PERP: variants seen among roughly 807,000 people sequenced by gnomAD.
PERP encodes the protein p53 apoptosis effector related to PMP22.
PERP carries 11 observed loss-of-function variants against 20.3 expected under a neutral mutation model. The observed-to-expected ratio is 0.54, with a 90% CI of 0.34 to 0.90. The LOEUF (loss-of-function observed/expected upper bound fraction) is 0.90, where lower values mean the gene tolerates loss of function less well. Ranked by LOEUF, PERP falls within the 40% of genes least tolerant of loss-of-function variation. The pLI is 0.02. For missense variants in PERP, 224 were observed against 249.4 expected (o/e 0.90, Z 0.69); for synonymous variants, 101 against 102.0 (o/e 0.99, Z 0.06).
At chr6:138,098,139 A>G (rs1775724308) in intron 1 of PERP, among the ~76,000 whole-genome samples, 1 of 152,162 alleles carries the variant, frequency 6.6e-6, no homozygotes, top group Non-Finnish European at 1.5e-5. Context: ...CTATCCGTTC[A>G]TTTGCTCTTG....
At chr6:138,097,446 T>A (rs1431775947) in intron 1 of PERP, among the ~76,000 whole-genome samples, 1 of 152,118 alleles carries the variant, frequency 6.6e-6, no homozygotes, top group Non-Finnish European at 1.5e-5. Context: ...CACAACAACT[T>A]TTTTTTCCCA....
intron 1 of PERP, among the ~76,000 whole-genome samples, chr6:138,101,754 A>G (rs1484818316): frequency 1.3e-5 from 2 of 152,252 alleles, no homozygotes; most frequent in Non-Finnish European, 2.9e-5. Flanking sequence ...TCAAAAAATT[A>G]AAAAGATCCT....
In PERP at chr6:138,096,347, G is replaced by A. The variant is rs186704984; in HGVS notation, c.355+7C>T. 296 of 1,613,714 alleles carry A rather than the reference G, an allele frequency of 1.8e-4. No homozygotes were observed. In the African/African-American group the frequency reaches 3.6e-3, roughly 20 times the overall value. ...ATAAATGAAGAATTGCTGACACACA[G>A]TCTTACCAGCCAAGGCAAGGAGACC... On this transcript the variant is annotated splice_region_variant and intron_variant, in intron 2 of 2. Coordinates refer to ENST00000421351, the MANE Select transcript of PERP (RefSeq NM_022121.5).
intron 1 of PERP, among the ~76,000 whole-genome samples, chr6:138,097,267 T>A (rs1775707529): frequency 6.6e-6 from 1 of 152,194 alleles, no homozygotes; most frequent in Non-Finnish European, 1.5e-5. Flanking sequence ...TGGGTCATTC[T>A]ATTCTACACT....
chr6:138,096,274 G>T, intron 2 of PERP, 80 bp downstream of exon 2: 3 of 1,509,572 alleles, frequency 2.0e-6, no homozygotes, highest in South Asian at 1.2e-5. Context: ...ACAGTCACGG[G>T]TCTTCTTTGT....
chr6:138,088,913 G>T lies in PERP; in HGVS notation c.*3129C>A, dbSNP rs548579. ...AAACTCAACTGTAAAAATAAGTGTT[G>T]CAGGAAGAGTGAGGAAGAGGGAATT... On this transcript the variant is annotated 3_prime_UTR_variant, in exon 3 of 3. Coordinates refer to ENST00000421351, the MANE Select transcript of PERP (RefSeq NM_022121.5). 1.3e-5 allele frequency: 2 copies of T among 152,020 alleles called. No homozygotes were observed. The highest frequency in any genetic ancestry group is 4.8e-5 in the African/African-American group (2 of 41,344). The allele number at this position is 152,020 out of a possible 1,614,324, so 9.4% of individuals were successfully genotyped here. A position where few individuals can be genotyped will look rare whatever the true frequency, so the allele number is the denominator to read the frequency against.
intron 1 of PERP, among the ~76,000 whole-genome samples, chr6:138,098,066 A>C (rs777982906): frequency 6.6e-6 from 1 of 152,184 alleles, no homozygotes; most frequent in Non-Finnish European, 1.5e-5. Flanking sequence ...ATGTTATAGC[A>C]TCAATCAATA....
chr6:138,103,061 T>A (rs751373643), intron 1 of PERP, among the ~76,000 whole-genome samples: 2 of 149,418 alleles, frequency 1.3e-5, no homozygotes, highest in Non-Finnish European at 3.0e-5. Context: ...ATTGTGCCAC[T>A]GCACTCCAGC....
chr6:138,095,220 ATAT>A (rs1358168598), intron 2 of PERP, among the ~76,000 whole-genome samples: 2 of 152,242 alleles, frequency 1.3e-5, no homozygotes, highest in East Asian at 3.8e-4. Context: ...TGATTTTAAA[ATAT>A]TATTCAAAAA....
chr6:138,096,472 G>A lies in PERP; in HGVS notation c.237C>T (p.Ala79=), dbSNP rs1775695080. ...GGATGATGAAGCCACAGAAGAGCAT[G>A]GCAGCCGCTGCTCTACCCCACGCTG... ...MEYAWGRAAA[A]MLFCGFIILV... The change falls in exon 2 of 3, where the codon GCC becomes GCT. Residue 79 remains alanine, a synonymous_variant. Transcript: ENST00000421351. 2 of 1,613,262 alleles carry A rather than the reference G, an allele frequency of 1.2e-6. No homozygotes were observed. Among genetic ancestry groups the A allele is most frequent in the African/African-American group, 1.3e-5 (1 of 74,884 alleles).
rs1208892894 is a variant in PERP at position 138,092,105 on chromosome 6, G to A, written c.519C>T (p.Leu173=). 1 of 1,614,110 alleles carries A rather than the reference G, an allele frequency of 6.2e-7. No individual in the cohort carries two copies. Among genetic ancestry groups the A allele is most frequent in the East Asian group, 2.2e-5 (1 of 44,884 alleles). The change falls in exon 3 of 3, where the codon CTC becomes CTT. Residue 173 remains leucine, a synonymous_variant. Coordinates refer to ENST00000421351, the MANE Select transcript of PERP (RefSeq NM_022121.5). The stretch of plus-strand genomic sequence containing the variant: ...CCAGAAGGTCATCTTCGTAGTTGGG[G>A]AGGCAGCAGAAGAAGAAGGCACAGC... ...LIGCAFFFCC[L]PNYEDDLLGN...
At chr6:138,097,923 T>C (rs944992654) in intron 1 of PERP, among the ~76,000 whole-genome samples, 7 of 152,214 alleles carry the variant, frequency 4.6e-5, no homozygotes, top group Non-Finnish European at 7.3e-5. Flanking sequence ...CTCCAGCTTC[T>C]GGCAACCACA....
Position 138,092,075 on chromosome 6 carries a change from A to G in PERP, c.549T>C (p.Asn183=). The G allele has an allele frequency of 6.2e-7, 1 of 1,614,096 alleles. No homozygotes were observed. The change falls in exon 3 of 3, where the codon AAT becomes AAC. Residue 183 remains asparagine, a synonymous_variant. Coordinates refer to ENST00000421351, the MANE Select transcript of PERP (RefSeq NM_022121.5). ...LPNYEDDLLG[N]AKPRYFYTSA ...ATGTGTAGAAGTACCTGGGCTTGGC[A>G]TTGCCCAGAAGGTCATCTTCGTAGT...
In PERP at chr6:138,096,501, GA is replaced by G. The variant is rs554926938; in HGVS notation, c.215-8del. The stretch of plus-strand genomic sequence containing the variant: ...GCCGCTGCTCTACCCCACGCTGCAA[GA>G]AAAAAAGAAACAGCAATTAACAAGA... On this transcript the variant is annotated splice_region_variant and splice_polypyrimidine_tract_variant and intron_variant, in intron 1 of 2. Transcript: ENST00000421351. 11 of 1,596,008 alleles carry G rather than the reference GA, an allele frequency of 6.9e-6. No homozygotes were observed. The highest frequency in any genetic ancestry group is 1.7e-4 in the Middle Eastern group (1 of 5,952).
At chr6:138,105,965 A>G (rs1775834221) in intron 1 of PERP, among the ~76,000 whole-genome samples, 1 of 152,198 alleles carries the variant, frequency 6.6e-6, no homozygotes, top group Admixed American at 6.5e-5. Context: ...AATGGGGACC[A>G]TGCTTCCTTT....
intron 1 of PERP, among the ~76,000 whole-genome samples, chr6:138,104,336 T>C (rs1775814714): frequency 6.6e-6 from 1 of 152,262 alleles, no homozygotes; most frequent in Non-Finnish European, 1.5e-5. Flanking sequence ...TAGCTGGGTG[T>C]TAATTTAGCT....
At chr6:138,094,685 AT>A (rs1221880454) in intron 2 of PERP, among the ~76,000 whole-genome samples, 1 of 152,016 alleles carries the variant, frequency 6.6e-6, no homozygotes, top group East Asian at 1.9e-4. Flanking sequence ...ATTTACTAGG[AT>A]TTTTCAACTA....
chr6:138,095,612 T>C (rs1307143814), intron 2 of PERP, among the ~76,000 whole-genome samples: 5 of 152,224 alleles, frequency 3.3e-5, no homozygotes, highest in African/African-American at 1.2e-4. Flanking sequence ...CAGCACCTTC[T>C]CTTTTTTCCC....
At position 138,107,211 on chromosome 6, in the gene PERP, T is replaced by C. The variant is rs1377640448; in HGVS notation, c.130A>G (p.Thr44Ala). 6.2e-7 allele frequency: 1 copy of C among 1,612,444 alleles called. No individual in the cohort carries two copies. The highest frequency in any genetic ancestry group is 1.1e-5 in the South Asian group (1 of 91,062). Reference sequence around the variant, plus strand: ...GAGCATTTCCACCACAGCGAGGACGTCTGGCCGTGGTCGCTAGACTGCAAC... The same window carrying C: ...GAGCATTTCCACCACAGCGAGGACGCCTGGCCGTGGTCGCTAGACTGCAAC... ...GWLQSSDHGQ[T>A]SSLWWKCSQE... The change falls in exon 1 of 3, where the codon ACG becomes GCG. Residue 44 changes from threonine (T) to alanine (A), a missense_variant. By Grantham distance (58) the Thr-to-Ala change is moderately conservative (BLOSUM62 0). Transcript: ENST00000421351. The surrounding 1 kb of genome is among the most constrained non-coding windows in gnomAD (Gnocchi z 4.8).
Sources: allele counts gnomAD v4.1 joint callset (sites outside exome capture counted in the v4.1 genomes callset), GRCh38; gene constraint gnomAD v4.1.1; non-coding constraint Gnocchi (gnomAD v3.1); transcripts MANE v1.5; gene names NCBI Gene and HGNC (gene_info 2026-07-23, HGNC 2026-07-21).